The following PAK1 variants were observed in gnomAD, a reference collection of about 807,000 sequenced individuals.
PAK1 encodes p21 (RAC1) activated kinase 1, also known as serine/threonine-protein kinase PAK 1.
PAK1 carries 29 observed loss-of-function variants against 67.4 expected under a neutral mutation model. The ratio of observed to expected loss-of-function variants is 0.43; its 90% CI spans 0.32 to 0.59. PAK1 has a LOEUF of 0.59. PAK1 is among the 20% of genes least tolerant of loss of function. The pLI is 0.07. For synonymous variants in PAK1, 223 were observed against 237.4 expected (o/e 0.94, Z 0.56); for missense variants, 337 against 670.7 (o/e 0.50, Z 5.50).
intron 14 of PAK1, among the ~76,000 whole-genome samples, chr11:77,329,675 T>G (rs1352667517): frequency 3.3e-5 from 5 of 151,812 alleles, no homozygotes; most frequent in Non-Finnish European, 7.4e-5. Context: ...ACAGCCAATA[T>G]CATACTGAAT....
At chr11:77,443,612 A>C (rs1956462127) in intron 1 of PAK1, among the ~76,000 whole-genome samples, 1 of 152,220 alleles carries the variant, frequency 6.6e-6, no homozygotes, top group African/African-American at 2.4e-5. Flanking sequence ...CTGAAACTTA[A>C]GAGGTTAAAA....
At chr11:77,363,582 C>T (rs1285597093) in intron 5 of PAK1, among the ~76,000 whole-genome samples, 1 of 152,228 alleles carries the variant, frequency 6.6e-6, no homozygotes, top group East Asian at 1.9e-4. Flanking sequence ...TTTACCAATC[C>T]TTTACAAGTC....
At chr11:77,527,956 C>T in the PAK1 span, among the ~76,000 whole-genome samples, 1 of 151,802 alleles carries the variant, frequency 6.6e-6, no homozygotes, top group Non-Finnish European at 1.5e-5. Context: ...CTCAAGTGAT[C>T]CTCCCACCTC....
intron 5 of PAK1, 118 bp from the exon 6 acceptor site, chr11:77,359,135 A>G (rs1162869628): frequency 3.5e-6 from 3 of 851,464 alleles, no homozygotes; most frequent in Admixed American, 2.5e-5. Flanking sequence ...AATACACATT[A>G]GCCTCCAAGC....
chr11:77,478,287 G>A (rs1009118579), upstream of PAK1, among the ~76,000 whole-genome samples: 1 of 151,978 alleles, frequency 6.6e-6, no homozygotes, highest in East Asian at 1.9e-4. Context: ...ATAAGAAATT[G>A]CCAAACTGTT....
At chr11:77,435,584 C>T (rs1956087270) in intron 1 of PAK1, among the ~76,000 whole-genome samples, 1 of 150,476 alleles carries the variant, frequency 6.6e-6, no homozygotes, top group South Asian at 2.1e-4. Flanking sequence ...AGCTCCGCCT[C>T]CCGGGTTCAC....
At chr11:77,433,636 G>A (rs1955968219) in intron 1 of PAK1, among the ~76,000 whole-genome samples, 1 of 152,080 alleles carries the variant, frequency 6.6e-6, no homozygotes, top group African/African-American at 2.4e-5. Context: ...AAAATTAGCT[G>A]GGCGTGGTGG....
intron 14 of PAK1, among the ~76,000 whole-genome samples, chr11:77,325,610 A>G (rs747582289): frequency 1.1e-4 from 17 of 152,188 alleles, no homozygotes; most frequent in Non-Finnish European, 1.8e-4. Context: ...TACTAATCGC[A>G]GGCTTAGCAT....
At chr11:77,369,444 CTT>C (rs147630042) in intron 5 of PAK1, among the ~76,000 whole-genome samples, 5,036 of 86,560 alleles carry the variant, frequency 0.058, 104 homozygotes, top group East Asian at 0.23. Context: ...TTATACATTT[CTT>C]TTTTTTTTTT....
chr11:77,447,146 T>C (rs1199475982), intron 1 of PAK1, among the ~76,000 whole-genome samples: 1 of 152,212 alleles, frequency 6.6e-6, no homozygotes. Context: ...CTTAAAAGAA[T>C]ATAGGATGAA....
intron 2 of PAK1, among the ~76,000 whole-genome samples, chr11:77,387,869 C>A (rs1161747611): frequency 6.6e-6 from 1 of 152,222 alleles, no homozygotes; most frequent in Non-Finnish European, 1.5e-5. Flanking sequence ...TATACCACTT[C>A]AAAGACTACC....
intron 14 of PAK1, among the ~76,000 whole-genome samples, chr11:77,324,778 G>C (rs10688802): frequency 0.12 from 11,617 of 95,496 alleles, 710 homozygotes; most frequent in African/African-American, 0.31. Context: ...CACACACACA[G>C]AGAGAGAGAG....
intron 9 of PAK1, 111 bp downstream of exon 9, chr11:77,349,124 CAAAA>C: frequency 3.6e-4 from 186 of 509,668 alleles, no homozygotes; most frequent in Middle Eastern, 4.5e-4. Context: ...GACCCCATCC[CAAAA>C]AAAAAAAAAA....
chr11:77,493,786 G>A, the PAK1 span, among the ~76,000 whole-genome samples: 1 of 152,096 alleles, frequency 6.6e-6, no homozygotes, highest in Non-Finnish European at 1.5e-5. Flanking sequence ...AGGAAGCTGA[G>A]CCTCAGAAAA....
the PAK1 span, among the ~76,000 whole-genome samples, chr11:77,523,080 G>A: frequency 1.3e-5 from 2 of 152,204 alleles, no homozygotes; most frequent in East Asian, 3.8e-4. Context: ...ACAGCTGAGA[G>A]AGGGAAAGGG....
At chr11:77,384,763 G>A (rs1408133599) in intron 2 of PAK1, among the ~76,000 whole-genome samples, 1 of 152,158 alleles carries the variant, frequency 6.6e-6, no homozygotes, top group Non-Finnish European at 1.5e-5. Context: ...AGGAACGACT[G>A]CAATGAGTAT....
At chr11:77,359,730 G>C (rs910588292) in intron 5 of PAK1, among the ~76,000 whole-genome samples, 1 of 152,112 alleles carries the variant, frequency 6.6e-6, no homozygotes, top group African/African-American at 2.4e-5. Context: ...AACTATAAGA[G>C]AGCTGGGCCA....
At chr11:77,480,649 G>A in the PAK1 span, among the ~76,000 whole-genome samples, 86 of 150,648 alleles carry the variant, frequency 5.7e-4, no homozygotes, top group South Asian at 6.6e-3. Flanking sequence ...GCAGCCTCCC[G>A]AATAGCTGGG....
chr11:77,391,476 C>G (rs1951131672), intron 2 of PAK1, among the ~76,000 whole-genome samples: 1 of 151,982 alleles, frequency 6.6e-6, no homozygotes, highest in Admixed American at 6.6e-5. Context: ...CCAGCTCCAT[C>G]TAAACCAGAA....
Sources: allele counts gnomAD v4.1 joint callset (sites outside exome capture counted in the v4.1 genomes callset), GRCh38; gene constraint gnomAD v4.1.1; transcripts MANE v1.5; gene names NCBI Gene and HGNC (gene_info 2026-07-23, HGNC 2026-07-21).